CEP164: variants seen among roughly 807,000 people sequenced by gnomAD.
The protein encoded by CEP164 is centrosomal protein of 164 kDa.
A neutral mutation model predicts 182.7 loss-of-function variants in CEP164; 162 were observed. The ratio of observed to expected loss-of-function variants is 0.89; its 90% CI spans 0.78 to 1.01. CEP164 has a LOEUF of 1.01. CEP164 is among the 50% of genes least tolerant of loss of function. The probability of loss-of-function intolerance (pLI) is 0.00; values close to 1 mark genes in which losing one functional copy is unlikely to be tolerated. For synonymous variants in CEP164, 661 were observed against 690.0 expected (o/e 0.96, Z 0.66); for missense variants, 1,735 against 1,790.4 (o/e 0.97, Z 0.56).
chr11:117,331,040 T>C (rs1452618956), intron 1 of CEP164, among the ~76,000 whole-genome samples: 1 of 152,240 alleles, frequency 6.6e-6, no homozygotes. Flanking sequence ...AGTCAATCTT[T>C]TCTGTGGTCA....
At position 117,374,523 on chromosome 11, in the gene CEP164, G is replaced by C. The variant is rs140038423; in HGVS notation, c.1233+692G>C. ...GATATGAGGGGGTGCAGAAGAATTA[G>C]GAAGCTGTGTGTGCTCGCCTCTCAC... On this transcript the variant is annotated intron_variant, in intron 10 of 32. Coordinates refer to ENST00000278935, the MANE Select transcript of CEP164 (RefSeq NM_014956.5). 4.0e-3 allele frequency among the ~76,000 whole-genome samples: 606 copies of C among 152,308 alleles called. 5 individuals carry two copies. The highest frequency in any genetic ancestry group is 6.0e-3 in the Non-Finnish European group (410 of 68,034).
At chr11:117,340,597 C>T (rs2037960782) in intron 3 of CEP164, among the ~76,000 whole-genome samples, 1 of 152,082 alleles carries the variant, frequency 6.6e-6, no homozygotes, top group African/African-American at 2.4e-5. Context: ...TGCAGTGGCT[C>T]CATCATAGCT....
At chr11:117,358,031 T>C (rs2040499251) in intron 5 of CEP164, among the ~76,000 whole-genome samples, 1 of 152,246 alleles carries the variant, frequency 6.6e-6, no homozygotes, top group Non-Finnish European at 1.5e-5. Context: ...ATTCTTTTGT[T>C]GTTGCCCAGC....
chr11:117,373,181 A>G (rs1414001217), intron 9 of CEP164, among the ~76,000 whole-genome samples: 1 of 152,146 alleles, frequency 6.6e-6, no homozygotes, highest in African/African-American at 2.4e-5. Flanking sequence ...TCACTGGCCA[A>G]CATGGTGAAA....
In CEP164 at chr11:117,373,772, A is replaced by G. The variant is rs774256448; in HGVS notation, c.1174A>G (p.Met392Val). The G allele has an allele frequency of 1.1e-5, 18 of 1,614,056 alleles. No individual in the cohort carries two copies. Among genetic ancestry groups the G allele is most frequent in the Non-Finnish European group, 1.3e-5 (15 of 1,180,020 alleles). The change falls in exon 10 of 33, where the codon ATG (methionine) becomes GTG (valine). Residue 392 changes from methionine (M) to valine (V), a missense_variant. Physicochemically the swap from Met to Val is conservative, Grantham distance 21 (BLOSUM62 1). Transcript: ENST00000278935. ...ASQELEISEH[M>V]KEPQLSDSIA... ...CCAGGAACTGGAAATTAGTGAACAC[A>G]TGAAGGAACCACAGCTCTCAGACTC...
upstream of CEP164, among the ~76,000 whole-genome samples, chr11:117,323,026 G>T (rs1018181952): frequency 6.6e-6 from 1 of 151,714 alleles, no homozygotes; most frequent in African/African-American, 2.4e-5. Flanking sequence ...TCAGCCTCCC[G>T]AAGTGCTAGG....
chr11:117,351,635 T>C (rs1448060416), intron 4 of CEP164, among the ~76,000 whole-genome samples, 155 bp from the exon 5 acceptor site: 3 of 151,992 alleles, frequency 2.0e-5, no homozygotes, highest in African/African-American at 7.2e-5. Flanking sequence ...TTCCCTCCAC[T>C]CTTAACCCCT....
intron 27 of CEP164, among the ~76,000 whole-genome samples, chr11:117,407,365 A>T (rs2046810454): frequency 2.1e-5 from 3 of 143,090 alleles, no homozygotes; most frequent in African/African-American, 7.7e-5. Flanking sequence ...GTGGTGGCTC[A>T]TGCCTGTAAT....
Position 117,362,545 on chromosome 11 carries a change from A to G in CEP164, c.687+7A>G, listed in dbSNP as rs2041115773. On this transcript the variant is annotated splice_region_variant and intron_variant, in intron 7 of 32. Transcript: ENST00000278935. The stretch of plus-strand genomic sequence containing the variant: ...GGAGGAAAGTGACAACCAGGTAATG[A>G]TGAAGTCCTCTCCCTGGCCTGGAAA... 1 of 1,612,560 alleles carries G rather than the reference A, an allele frequency of 6.2e-7. No homozygotes were observed. The highest frequency in any genetic ancestry group is 8.5e-7 in the Non-Finnish European group (1 of 1,179,476).
intron 4 of CEP164, among the ~76,000 whole-genome samples, chr11:117,344,961 CTACT>C (rs1292618516): frequency 2.0e-5 from 3 of 151,792 alleles, no homozygotes; most frequent in African/African-American, 7.3e-5. Context: ...AATAAAACTA[CTACT>C]TAAAAAGATA....
At chr11:117,330,112 C>T (rs2035964621) in intron 1 of CEP164, among the ~76,000 whole-genome samples, 1 of 152,102 alleles carries the variant, frequency 6.6e-6, no homozygotes, top group Non-Finnish European at 1.5e-5. Flanking sequence ...TGGGGATCAC[C>T]TGCTTATCCT....
At position 117,395,016 on chromosome 11, in the gene CEP164, C is replaced by T. The variant is rs776607185; in HGVS notation, c.2844+13C>T. On this transcript the variant is annotated intron_variant, in intron 22 of 32. Transcript: ENST00000278935. ...GCTGGAGGTCCAGGTGAGGGATCTGCAGGAGTCCTTGACCTCAGAGTCATA... is the reference window on the plus strand; with the variant it reads ...GCTGGAGGTCCAGGTGAGGGATCTGTAGGAGTCCTTGACCTCAGAGTCATA... 1.9e-6 allele frequency: 3 copies of T among 1,613,876 alleles called. No homozygotes were observed. Among genetic ancestry groups the T allele is most frequent in the Admixed American group, 1.7e-5 (1 of 60,036 alleles).
intron 27 of CEP164, among the ~76,000 whole-genome samples, chr11:117,401,359 C>G (rs1339297332): frequency 6.6e-6 from 1 of 152,134 alleles, no homozygotes; most frequent in Non-Finnish European, 1.5e-5. Context: ...GGTGGATAAG[C>G]TTTTTGATGT....
At chr11:117,328,242 G>A (rs1340781945) in intron 1 of CEP164, 1 of 152,340 alleles carries the variant, frequency 6.6e-6, no homozygotes, top group Non-Finnish European at 1.5e-5. Flanking sequence ...GCGGGAGAGG[G>A]GCACTGGGCA....
rs767057543 is a variant in CEP164, at chr11:117,351,862, C to T, written c.267C>T (p.Asp89=). Residue 89 remains aspartate (D), a synonymous_variant, in exon 5 of 33, where the codon GAC becomes GAT. Transcript: ENST00000278935. ...NGQSMWDHPC[D]EHYRSLVIQE... is the part of the protein sequence containing the mutation. ...AGTCTATGTGGGACCATCCATGTGA[C>T]GAACACTATCGGAGCTTGGTGATCC... 12 of 1,613,464 alleles carry T rather than the reference C, an allele frequency of 7.4e-6. No individual in the cohort carries two copies. Among genetic ancestry groups the T allele is most frequent in the East Asian group, 6.7e-5 (3 of 44,882 alleles).
chr11:117,357,388 C>T (rs1216061262), intron 5 of CEP164, among the ~76,000 whole-genome samples: 3 of 146,092 alleles, frequency 2.1e-5, no homozygotes, highest in Admixed American at 6.9e-5. Context: ...GGATTATAGA[C>T]ATGAGCCACT....
intron 19 of CEP164, 112 bp from the exon 20 acceptor site, chr11:117,392,892 G>A: frequency 6.7e-7 from 1 of 1,497,096 alleles, no homozygotes; most frequent in Non-Finnish European, 9.1e-7. Context: ...TGCATGTGTT[G>A]TGTGTGTTGG....
At position 117,392,243 on chromosome 11, in the gene CEP164, G is replaced by A. The variant is rs551712944; in HGVS notation, c.2301G>A (p.Glu767=). 1 of 1,608,644 alleles carries A rather than the reference G, an allele frequency of 6.2e-7. No individual in the cohort carries two copies. Among genetic ancestry groups the A allele is most frequent in the African/African-American group, 1.3e-5 (1 of 74,976 alleles). The part of the protein sequence containing the change: ...GERKEAVATL[E]KEHSAELERL... ...CTCCCCAGGCTGTGGCAACGCTGGA[G>A]AAGGAGCACAGTGCTGAGCTGGAGC... is the stretch of plus-strand genomic sequence containing the variant. The change falls in exon 18 of 33, where the codon GAG becomes GAA. Residue 767 remains glutamate (E), a synonymous_variant. Transcript: ENST00000278935.
intron 9 of CEP164, among the ~76,000 whole-genome samples, chr11:117,373,488 C>G (rs528320042): frequency 1.8e-4 from 28 of 152,332 alleles, no homozygotes; most frequent in South Asian, 1.0e-3. Context: ...GCTCCCCTTA[C>G]TCATGCAAGT....
Sources: allele counts gnomAD v4.1 joint callset (sites outside exome capture counted in the v4.1 genomes callset), GRCh38; gene constraint gnomAD v4.1.1; transcripts MANE v1.5; gene names NCBI Gene and HGNC (gene_info 2026-07-23, HGNC 2026-07-21).